MSH4: variants seen among roughly 807,000 people sequenced by gnomAD.
MSH4 encodes mutS protein homolog 4.
A neutral mutation model predicts 113.7 loss-of-function variants in MSH4; 106 were observed. The ratio of observed to expected loss-of-function variants is 0.93; its 90% confidence interval spans 0.80 to 1.10. The LOEUF is 1.10. Ranked by LOEUF, MSH4 falls within the 50% of genes least tolerant of loss-of-function variation. The pLI, the probability that MSH4 is intolerant of heterozygous loss-of-function variation, is 0.00. For synonymous variants in MSH4, 368 were observed against 380.2 expected (o/e 0.97, Z 0.37); for missense variants, 1,061 against 1,093.7 (o/e 0.97, Z 0.42).
intron 9 of MSH4, among the ~76,000 whole-genome samples, chr1:75,873,328 C>T (rs746595673): frequency 7.2e-5 from 11 of 152,180 alleles, no homozygotes; most frequent in Non-Finnish European, 1.5e-4. Flanking sequence ...CTAAATGTGA[C>T]TTCATTAATT....
chr1:75,892,405 TCA>T (rs1652276117), intron 17 of MSH4, among the ~76,000 whole-genome samples: 2 of 151,964 alleles, frequency 1.3e-5, no homozygotes, highest in South Asian at 4.2e-4. Context: ...TTTCTCTCTC[TCA>T]CTCTCACTCC....
At chr1:75,879,184 A>G in intron 12 of MSH4, 56 bp downstream of exon 12, 1 of 1,534,828 alleles carries the variant, frequency 6.5e-7, no homozygotes, top group South Asian at 1.2e-5. Flanking sequence ...AATTACATCT[A>G]CATATTTTTG....
At chr1:75,833,401 C>T (rs1186498274) in intron 7 of MSH4, among the ~76,000 whole-genome samples, 5 of 152,146 alleles carry the variant, frequency 3.3e-5, no homozygotes, top group South Asian at 2.1e-4. Context: ...CTTCAAGCTA[C>T]GAATGACTTT....
chr1:75,858,970 C>T lies in MSH4; in HGVS notation c.1231-8544C>T, dbSNP rs910692752. Among the ~76,000 whole-genome samples, 7 of 152,126 alleles carry T rather than the reference C, an allele frequency of 4.6e-5. No homozygotes were observed. In the Middle Eastern group the frequency reaches 0.014, roughly 296 times the overall value. On this transcript the variant is annotated intron_variant, in intron 8 of 19. Transcript: ENST00000263187. ...TGTTATTGGTCTATTCAGAGATTTA[C>T]CTTCTTCCTGGTTTAGTCTTAGAAA... is the stretch of plus-strand genomic sequence containing the variant.
At chr1:75,819,216 G>A (rs913476419) in intron 6 of MSH4, among the ~76,000 whole-genome samples, 62 of 152,192 alleles carry the variant, frequency 4.1e-4, no homozygotes, top group African/African-American at 1.4e-3. Context: ...CAATGGCTAA[G>A]TGCGGTGGCT....
In MSH4 at chr1:75,893,326, C is replaced by T. The variant is rs937896200; in HGVS notation, c.2355+2502C>T. Among the ~76,000 whole-genome samples the T allele has an allele frequency of 5.3e-5, 8 of 152,230 alleles. No individual in the cohort carries two copies. The South Asian group carries it at 6.2e-4, about 12-fold the overall frequency. On this transcript the variant is annotated intron_variant, in intron 17 of 19. Coordinates refer to ENST00000263187, the MANE Select transcript of MSH4 (RefSeq NM_002440.4). ...CTGAAAATCAAACCCAGAATCTCAT[C>T]CTATGCCAGAATTACAACACAAGTT...
intron 2 of MSH4, among the ~76,000 whole-genome samples, chr1:75,806,324 T>A (rs1439191711): frequency 7.7e-6 from 1 of 130,216 alleles, no homozygotes; most frequent in African/African-American, 2.9e-5. Flanking sequence ...CCCGGCTCAC[T>A]GCAAGCTCCG....
At position 75,797,147 on chromosome 1, in the gene MSH4, T is replaced by A; in HGVS notation, c.162T>A (p.Pro54=). 1 of 1,613,488 alleles carries A rather than the reference T, an allele frequency of 6.2e-7. No homozygotes were observed. Among genetic ancestry groups the A allele is most frequent in the African/African-American group, 1.3e-5 (1 of 75,054 alleles). ...AGGTGGTCTCTGCATCCACCTGTCC[T>A]GGCACGTCAGGAGCTGCGGGCGACC... ...SVQVVSASTC[P]GTSGAAGDRS... is the part of the protein sequence containing the mutation. The change falls in exon 1 of 20, where the codon CCT becomes CCA. Residue 54 remains proline, a synonymous_variant. Coordinates refer to ENST00000263187, the MANE Select transcript of MSH4 (RefSeq NM_002440.4).
At chr1:75,837,247 A>G (rs1367955011) in intron 7 of MSH4, among the ~76,000 whole-genome samples, 2 of 152,180 alleles carry the variant, frequency 1.3e-5, no homozygotes, top group Admixed American at 1.3e-4. Context: ...CGGACACTGA[A>G]TCTGCCCAGC....
At chr1:75,902,768 G>A (rs1179158508) in intron 19 of MSH4, among the ~76,000 whole-genome samples, 1 of 102,650 alleles carries the variant, frequency 9.7e-6, no homozygotes, top group Non-Finnish European at 2.0e-5. Context: ...TCTCCGTAAG[G>A]TTGAACTAAT....
chr1:75,889,200 A>G (rs374059910), intron 15 of MSH4, 51 bp from the exon 16 acceptor site: 2 of 851,482 alleles, frequency 2.3e-6, no homozygotes, highest in Non-Finnish European at 3.8e-6. Context: ...TGTTATTAGT[A>G]ATTATATTTT....
intron 7 of MSH4, among the ~76,000 whole-genome samples, chr1:75,837,204 G>T (rs1012756268): frequency 1.3e-5 from 2 of 152,052 alleles, no homozygotes; most frequent in Non-Finnish European, 2.9e-5. Flanking sequence ...CAGCGAGAAG[G>T]TACCATCTAT....
At chr1:75,800,205 A>G (rs1146648) in intron 1 of MSH4, among the ~76,000 whole-genome samples, 134,459 of 152,140 alleles carry the variant, frequency 0.88, 59,687 homozygotes, top group African/African-American at 0.93. Flanking sequence ...TAAAGCCTAG[A>G]AATGCTAATG....
intron 8 of MSH4, among the ~76,000 whole-genome samples, chr1:75,862,388 C>T (rs1651477086): frequency 1.3e-5 from 2 of 152,224 alleles, no homozygotes; most frequent in Non-Finnish European, 2.9e-5. Flanking sequence ...AAGCTGTAGA[C>T]TGGAGCTCTT....
intron 8 of MSH4, among the ~76,000 whole-genome samples, chr1:75,859,712 T>C (rs1651409757): frequency 6.6e-6 from 1 of 152,184 alleles, no homozygotes; most frequent in Non-Finnish European, 1.5e-5. Flanking sequence ...TAGTGTGATA[T>C]GGTGCTGAGA....
intron 9 of MSH4, among the ~76,000 whole-genome samples, chr1:75,869,506 C>G (rs1316370916): frequency 1.3e-5 from 2 of 152,204 alleles, no homozygotes; most frequent in Non-Finnish European, 2.9e-5. Context: ...CCTTCCATTA[C>G]AGGCCCAGAG....
chr1:75,835,971 G>A (rs12076093), intron 7 of MSH4, among the ~76,000 whole-genome samples: 31,465 of 152,004 alleles, frequency 0.21, 3,817 homozygotes, highest in African/African-American at 0.3. Flanking sequence ...TGCGTGCCTA[G>A]TGGCCCACAC....
chr1:75,817,733 G>A (rs1328734763), intron 6 of MSH4, among the ~76,000 whole-genome samples: 5 of 151,878 alleles, frequency 3.3e-5, no homozygotes, highest in Non-Finnish European at 1.5e-5. Flanking sequence ...TACATCCATT[G>A]ATTTCTATAA....
At chr1:75,802,482 T>A (rs1401549275) in intron 1 of MSH4, among the ~76,000 whole-genome samples, 5 of 152,240 alleles carry the variant, frequency 3.3e-5, no homozygotes, top group Non-Finnish European at 7.3e-5. Flanking sequence ...CCAAACATTT[T>A]AAAATTTTTT....
Sources: gnomAD v4.1 joint callset for allele counts (sites outside exome capture counted in the v4.1 genomes callset) on GRCh38, gnomAD v4.1.1 for gene constraint, MANE v1.5 for transcripts, NCBI Gene and HGNC (gene_info 2026-07-23, HGNC 2026-07-21) for gene names.